The following TRIM4 variants were observed in gnomAD, a reference collection of about 807,000 sequenced individuals.
TRIM4 encodes the protein E3 ubiquitin-protein ligase TRIM4.
TRIM4 carries 29 observed loss-of-function variants against 33.7 expected under a neutral mutation model. That is an observed-to-expected ratio of 0.86 (90% CI 0.64 to 1.17). The LOEUF (loss-of-function observed/expected upper bound fraction) is 1.17, where lower values mean the gene tolerates loss of function less well. Among genes scored for constraint, TRIM4 ranks in the 50% most tolerant of loss-of-function variants. The probability of loss-of-function intolerance (pLI) is 0.00; values close to 1 mark genes in which losing one functional copy is unlikely to be tolerated. For missense variants in TRIM4, 554 were observed against 593.7 expected, an observed-to-expected ratio of 0.93 and a Z score of 0.69; for synonymous variants, 224 against 233.0, an observed-to-expected ratio of 0.96 and a Z score of 0.35.
intron 1 of TRIM4, 59 bp from the exon 2 acceptor site, chr7:99,909,719 T>G: frequency 7.3e-7 from 1 of 1,372,528 alleles, no homozygotes; most frequent in Admixed American, 2.3e-5. Context: ...TCATCTTCTT[T>G]TTTCTTTTTG....
intron 1 of TRIM4, among the ~76,000 whole-genome samples, chr7:99,916,387 C>A (rs1010452856): frequency 6.6e-6 from 1 of 152,212 alleles, no homozygotes; most frequent in Admixed American, 6.5e-5. Context: ...AAAATATTAT[C>A]TCTAGCCTCC....
chr7:99,896,130 C>A (rs1349447062), intron 5 of TRIM4, among the ~76,000 whole-genome samples: 1 of 152,016 alleles, frequency 6.6e-6, no homozygotes, highest in East Asian at 1.9e-4. Context: ...TATAATTCCA[C>A]TTTATTTCCT....
intron 1 of TRIM4, among the ~76,000 whole-genome samples, chr7:99,911,604 A>G (rs1392165520): frequency 6.6e-6 from 1 of 152,248 alleles, no homozygotes; most frequent in Non-Finnish European, 1.5e-5. Context: ...TTTACAAGTG[A>G]CAATGGTTAA....
intron 3 of TRIM4, among the ~76,000 whole-genome samples, chr7:99,906,399 C>T (rs916490234): frequency 6.6e-5 from 10 of 151,876 alleles, no homozygotes; most frequent in South Asian, 4.2e-4. Flanking sequence ...TGCTAAGATG[C>T]CCAGGCTAGT....
intron 5 of TRIM4, 142 bp downstream of exon 5, chr7:99,903,076 G>A (rs1249696564): frequency 1.6e-6 from 1 of 626,228 alleles, no homozygotes; most frequent in Non-Finnish European, 2.8e-6. Flanking sequence ...TTTCTTGAAT[G>A]AAGTGTATAC....
intron 1 of TRIM4, among the ~76,000 whole-genome samples, chr7:99,915,118 C>T (rs1819525890): frequency 6.6e-6 from 1 of 152,090 alleles, no homozygotes; most frequent in Admixed American, 6.5e-5. Context: ...CCTAGGATAG[C>T]ACTTTCTTTT....
intron 5 of TRIM4, among the ~76,000 whole-genome samples, chr7:99,899,767 C>T (rs1819113454): frequency 6.6e-6 from 1 of 152,080 alleles, no homozygotes; most frequent in East Asian, 1.9e-4. Context: ...TGTGTGTGCG[C>T]ACACGTGCAT....
At chr7:99,915,801 T>C (rs1253967679) in intron 1 of TRIM4, among the ~76,000 whole-genome samples, 1 of 152,188 alleles carries the variant, frequency 6.6e-6, no homozygotes, top group Non-Finnish European at 1.5e-5. Context: ...CCCTTACCCA[T>C]CCACTCCTGT....
At position 99,919,319 on chromosome 7, in the gene TRIM4, C is replaced by T; in HGVS notation, c.83G>A (p.Gly28Asp). ...YFQDPVSIEC[G>D]HNFCRGCLHR... ...CAGGCAGCCGCGGCAGAAGTTGTGG[C>T]CGCACTCGATGGACACCGGGTCCTG... The change falls in exon 1 of 6, where the codon GGC (glycine) becomes GAC (aspartate). Residue 28 changes from glycine to aspartate, a missense_variant. Around this residue, in one of 3 missense-constraint regions of TRIM4, gnomAD observed 233 missense variants for 203.1 expected, o/e 1.15. Transcript: ENST00000349062. The T allele has an allele frequency of 6.4e-7, 1 of 1,566,368 alleles. No homozygotes were observed. Among genetic ancestry groups the T allele is most frequent in the Non-Finnish European group, 8.6e-7 (1 of 1,157,050 alleles).
chr7:99,902,993 G>A (rs540758849), intron 5 of TRIM4, among the ~76,000 whole-genome samples: 2 of 152,028 alleles, frequency 1.3e-5, no homozygotes, highest in East Asian at 1.9e-4. Context: ...ATGTGCTTAC[G>A]AACTCATGAA....
intron 1 of TRIM4, among the ~76,000 whole-genome samples, chr7:99,918,455 C>T (rs1819607785): frequency 6.6e-6 from 1 of 151,916 alleles, no homozygotes; most frequent in African/African-American, 2.4e-5. Flanking sequence ...ATCCCAGCTA[C>T]TCGGGAGGCT....
intron 3 of TRIM4, among the ~76,000 whole-genome samples, chr7:99,903,986 C>T (rs979094385): frequency 2.6e-5 from 4 of 152,134 alleles, no homozygotes; most frequent in African/African-American, 9.7e-5. Flanking sequence ...AAATTATAAT[C>T]GCAAGGGATA....
Position 99,903,566 on chromosome 7 carries a change from G to T in TRIM4, c.743+10C>A, listed in dbSNP as rs112871293. On this transcript the variant is annotated intron_variant, in intron 4 of 5. Coordinates refer to ENST00000349062, the MANE Select transcript of TRIM4 (RefSeq NM_033091.3). ...CACCCAGGTCCCCATAAGAGAACAG[G>T]AGTGCATACCTGGTCAACACTTCTT... 33 of 1,614,058 alleles carry T rather than the reference G, an allele frequency of 2.0e-5. No individual in the cohort carries two copies. Among genetic ancestry groups the T allele is most frequent in the Admixed American group, 5.0e-5 (3 of 59,994 alleles).
intron 3 of TRIM4, 153 bp downstream of exon 3, chr7:99,908,429 A>C (rs1287816738): frequency 1.6e-6 from 1 of 644,302 alleles, no homozygotes. Flanking sequence ...TTGAATGGTG[A>C]ATCTTTGGCT....
chr7:99,908,492 AC>A, intron 3 of TRIM4, 89 bp downstream of exon 3: 2 of 1,029,624 alleles, frequency 1.9e-6, no homozygotes, highest in South Asian at 1.6e-5. Flanking sequence ...TGTCTATGAA[AC>A]CCACTCACCA....
chr7:99,902,074 T>C, intron 5 of TRIM4: 1 of 764,154 alleles, frequency 1.3e-6, no homozygotes, highest in South Asian at 1.3e-5. Flanking sequence ...TGTTTCACAT[T>C]TCTCAGGAAT....
intron 1 of TRIM4, among the ~76,000 whole-genome samples, chr7:99,914,051 T>C (rs1385425108): frequency 1.3e-5 from 2 of 152,210 alleles, no homozygotes; most frequent in Admixed American, 1.3e-4. Flanking sequence ...CTGGTAGGTG[T>C]ACTTTGGAAA....
rs565062091 is a variant in TRIM4, at chr7:99,909,641, T to G, written c.413A>C (p.Gln138Pro). ...CTTCATCTTGGCCACGAGATTACGC[T>G]GAGACTTAAGAAGTTTCTCCTGCCA... ...ESYREKLLKS[Q>P]RNLVAKMKKV... The change falls in exon 2 of 6, where the codon CAG (glutamine) becomes CCG (proline). Residue 138 changes from glutamine to proline, a missense_variant. This residue lies in a region of TRIM4 where 233 missense variants were observed against 203.1 expected (regional missense o/e 1.15). Coordinates refer to ENST00000349062, the MANE Select transcript of TRIM4 (RefSeq NM_033091.3). 84 of 1,613,610 alleles carry G rather than the reference T, an allele frequency of 5.2e-5. No homozygotes were observed. Among genetic ancestry groups the G allele is most frequent in the Non-Finnish European group, 5.1e-6 (6 of 1,179,952 alleles).
rs115702402 is a variant in TRIM4, at chr7:99,903,752, T to C, written c.721-154A>G. ...CCAACAGATTGACAGAATCTGGTCC[T>C]TTCTTTCACGTGGCCCCTCTGCACT... On this transcript the variant is annotated intron_variant, in intron 3 of 5. Transcript: ENST00000349062. 6.4e-3 allele frequency among the ~76,000 whole-genome samples: 978 copies of C among 152,342 alleles called. 9 individuals are homozygous for C. The highest frequency in any genetic ancestry group is 0.022 in the African/African-American group (933 of 41,572).
Sources: gnomAD v4.1 joint callset for allele counts (sites outside exome capture counted in the v4.1 genomes callset) on GRCh38, gnomAD v4.1.1 for gene constraint, gnomAD v4.1.1 regional missense constraint, MANE v1.5 for transcripts, NCBI Gene and HGNC (gene_info 2026-07-23, HGNC 2026-07-21) for gene names.